RCAN2: variants seen among roughly 807,000 people sequenced by gnomAD.
RCAN2 encodes the protein calcipressin-2.
In RCAN2, 9 loss-of-function variants were observed where a neutral mutation model predicts 23.6. The observed-to-expected ratio is 0.38, with a 90% CI of 0.23 to 0.67. The LOEUF is 0.67. Among genes scored for constraint, RCAN2 ranks in the 30% least tolerant of loss-of-function variants. RCAN2 has a pLI of 0.51. For synonymous variants in RCAN2, 109 were observed against 115.7 expected (o/e 0.94, Z 0.37); for missense variants, 273 against 302.3 (o/e 0.90, Z 0.72).
chr6:46,471,427 T>C (rs1768555948), intron 1 of RCAN2, among the ~76,000 whole-genome samples: 1 of 152,116 alleles, frequency 6.6e-6, no homozygotes, highest in South Asian at 2.1e-4. Context: ...GTGTTTTTAA[T>C]GTACACGTGG....
intron 2 of RCAN2, among the ~76,000 whole-genome samples, chr6:46,268,890 C>T (rs530612377): frequency 1.3e-5 from 2 of 152,306 alleles, no homozygotes; most frequent in Non-Finnish European, 1.5e-5. Flanking sequence ...CCCAGTCTGG[C>T]CTGATGCTTA....
intron 2 of RCAN2, among the ~76,000 whole-genome samples, chr6:46,337,979 G>A (rs79186212): frequency 0.02 from 3,057 of 152,234 alleles, 114 homozygotes; most frequent in African/African-American, 0.068. Context: ...CTGAAGTGTG[G>A]GCTGCATGGG....
At chr6:46,424,186 A>C (rs1766971077) in intron 2 of RCAN2, among the ~76,000 whole-genome samples, 1 of 152,208 alleles carries the variant, frequency 6.6e-6, no homozygotes, top group Non-Finnish European at 1.5e-5. Flanking sequence ...AGAGCATGGC[A>C]CCATTTTAAG....
At chr6:46,234,107 ACT>A (rs1230323159) in intron 4 of RCAN2, among the ~76,000 whole-genome samples, 3 of 152,088 alleles carry the variant, frequency 2.0e-5, no homozygotes, top group Non-Finnish European at 4.4e-5. Flanking sequence ...TTGGGGGAAC[ACT>A]CAGAATGGGA....
chr6:46,393,219 A>G (rs949905642), intron 2 of RCAN2, among the ~76,000 whole-genome samples: 4 of 152,186 alleles, frequency 2.6e-5, no homozygotes, highest in African/African-American at 9.6e-5. Context: ...ATTAAAGTTT[A>G]GGATACTTTT....
At chr6:46,229,355 T>C (rs1291022935) in intron 4 of RCAN2, among the ~76,000 whole-genome samples, 1 of 152,224 alleles carries the variant, frequency 6.6e-6, no homozygotes, top group Non-Finnish European at 1.5e-5. Flanking sequence ...GCTGATATCC[T>C]GAAGAGTGTT....
chr6:46,401,436 A>G (rs1307806898), intron 2 of RCAN2, among the ~76,000 whole-genome samples: 1 of 152,150 alleles, frequency 6.6e-6, no homozygotes, highest in African/African-American at 2.4e-5. Flanking sequence ...TTCTTTGTGC[A>G]AATAAATCCA....
At position 46,317,450 on chromosome 6, in the gene RCAN2, T is replaced by C. The variant is rs778217750; in HGVS notation, c.226-68554A>G. ...CTTTATACCCCAATAACTTTTCTTT[T>C]ATTTATTCATTTATTTATTTTTATT... is the stretch of plus-strand genomic sequence containing the variant. On this transcript the variant is annotated intron_variant, in intron 2 of 4. Coordinates refer to ENST00000371374, the MANE Select transcript of RCAN2 (RefSeq NM_001251974.2). Among the ~76,000 whole-genome samples the C allele has an allele frequency of 5.3e-5, 8 of 152,100 alleles. No individual in the cohort carries two copies. The East Asian group carries it at 5.8e-4, about 11-fold the overall frequency.
At chr6:46,309,791 A>G (rs1271005121) in intron 2 of RCAN2, among the ~76,000 whole-genome samples, 5 of 152,216 alleles carry the variant, frequency 3.3e-5, no homozygotes, top group African/African-American at 1.2e-4. Flanking sequence ...AATTTGGAAG[A>G]TAGTTTTTAA....
At chr6:46,321,218 A>G (rs1763603140) in intron 2 of RCAN2, among the ~76,000 whole-genome samples, 1 of 152,202 alleles carries the variant, frequency 6.6e-6, no homozygotes, top group Non-Finnish European at 1.5e-5. Context: ...TCAATGCTCT[A>G]TCTCTCACTC....
chr6:46,423,178 T>G (rs935863732), intron 2 of RCAN2, among the ~76,000 whole-genome samples: 1 of 152,188 alleles, frequency 6.6e-6, no homozygotes, highest in Admixed American at 6.5e-5. Context: ...GTGGATTGTT[T>G]AGGTGATTCC....
intron 2 of RCAN2, among the ~76,000 whole-genome samples, chr6:46,435,578 AT>A (rs1380601739): frequency 6.6e-6 from 1 of 152,202 alleles, no homozygotes; most frequent in East Asian, 1.9e-4. Context: ...AATACTCAAA[AT>A]TTGCCATTAG....
At chr6:46,377,714 T>C (rs1765515508) in intron 2 of RCAN2, among the ~76,000 whole-genome samples, 1 of 152,142 alleles carries the variant, frequency 6.6e-6, no homozygotes, top group East Asian at 1.9e-4. Context: ...CAGTCCTCTC[T>C]GGTACAAGTT....
intron 2 of RCAN2, among the ~76,000 whole-genome samples, chr6:46,416,439 C>T (rs1766716484): frequency 6.7e-6 from 1 of 150,356 alleles, no homozygotes; most frequent in African/African-American, 2.5e-5. Context: ...TAAAAATAAA[C>T]ATTGTTATTG....
At chr6:46,450,395 A>G (rs190677629) in intron 2 of RCAN2, among the ~76,000 whole-genome samples, 2 of 152,220 alleles carry the variant, frequency 1.3e-5, no homozygotes, top group Non-Finnish European at 2.9e-5. Context: ...AGTTTCCTCC[A>G]AAAACTAAAA....
intron 2 of RCAN2, among the ~76,000 whole-genome samples, chr6:46,386,902 A>G (rs1765772685): frequency 6.6e-6 from 1 of 152,206 alleles, no homozygotes; most frequent in African/African-American, 2.4e-5. Flanking sequence ...ACCAAAACAG[A>G]GATATAGACC....
At chr6:46,228,957 C>G (rs989446513) in intron 4 of RCAN2, among the ~76,000 whole-genome samples, 3 of 152,174 alleles carry the variant, frequency 2.0e-5, no homozygotes, top group Non-Finnish European at 4.4e-5. Flanking sequence ...TCTTTTAGGG[C>G]AGGCCTGGTG....
At chr6:46,373,621 C>T (rs1370627239) in intron 2 of RCAN2, among the ~76,000 whole-genome samples, 1 of 152,080 alleles carries the variant, frequency 6.6e-6, no homozygotes, top group African/African-American at 2.4e-5. Flanking sequence ...TACTTTGTTC[C>T]CACATTTTTT....
intron 2 of RCAN2, among the ~76,000 whole-genome samples, chr6:46,389,948 A>T (rs976580758): frequency 6.6e-6 from 1 of 152,124 alleles, no homozygotes; most frequent in Non-Finnish European, 1.5e-5. Context: ...CACTCACCTC[A>T]GTGATGATCC....
Sources: allele counts gnomAD v4.1 joint callset (sites outside exome capture counted in the v4.1 genomes callset), GRCh38; gene constraint gnomAD v4.1.1; transcripts MANE v1.5; gene names NCBI Gene and HGNC (gene_info 2026-07-23, HGNC 2026-07-21).